Variants in NEGR1 observed in about 807,000 individuals in gnomAD.
The protein encoded by NEGR1 is neuronal growth regulator 1.
Under a neutral mutation model 40.9 loss-of-function variants are expected in NEGR1, and 10 were observed. That is an observed-to-expected ratio of 0.24 (90% CI 0.15 to 0.42). NEGR1 has a LOEUF of 0.42. Among genes scored for constraint, NEGR1 ranks in the 10% least tolerant of loss-of-function variants. The pLI, the probability that NEGR1 is intolerant of heterozygous loss-of-function variation, is 1.00. For synonymous variants in NEGR1, 185 were observed against 166.8 expected (o/e 1.11, Z -0.84); for missense variants, 352 against 438.9 (o/e 0.80, Z 1.77).
At chr1:72,275,040 G>T in intron 1 of NEGR1, 1 of 1,511,718 alleles carries the variant, frequency 6.6e-7, no homozygotes, top group South Asian at 1.1e-5. Context: ...CAGCTTTGGA[G>T]CTCTTGGAAC....
intron 1 of NEGR1, among the ~76,000 whole-genome samples, chr1:72,061,774 C>A (rs960429397): frequency 6.6e-6 from 1 of 151,836 alleles, no homozygotes; most frequent in African/African-American, 2.4e-5. Context: ...CTTGCCTCAT[C>A]ATGATTCTTT....
intron 6 of NEGR1, among the ~76,000 whole-genome samples, chr1:71,450,641 T>C (rs1646620334): frequency 6.6e-6 from 1 of 151,550 alleles, no homozygotes; most frequent in South Asian, 2.1e-4. Flanking sequence ...ATCCTGTCAC[T>C]ACTAGAAATA....
chr1:71,715,737 T>A (rs1160396868), intron 3 of NEGR1, among the ~76,000 whole-genome samples: 1 of 152,216 alleles, frequency 6.6e-6, no homozygotes, highest in African/African-American at 2.4e-5. Flanking sequence ...AGGTTCCTCA[T>A]CTATATCTGA....
chr1:72,208,274 A>G (rs1160421880), intron 1 of NEGR1, among the ~76,000 whole-genome samples: 2 of 151,796 alleles, frequency 1.3e-5, no homozygotes, highest in African/African-American at 4.8e-5. Context: ...CAGTTTATGC[A>G]ATTTAAATGC....
chr1:71,723,185 C>A (rs1012298435), intron 3 of NEGR1, among the ~76,000 whole-genome samples: 10 of 151,936 alleles, frequency 6.6e-5, no homozygotes, highest in Non-Finnish European at 1.3e-4. Context: ...CTTTATTGGG[C>A]TTAGAATTCA....
chr1:72,137,786 T>C (rs536666148), intron 1 of NEGR1, among the ~76,000 whole-genome samples: 1 of 152,166 alleles, frequency 6.6e-6, no homozygotes. Flanking sequence ...AAACTAGTGA[T>C]AGAGAAACTT....
chr1:71,832,309 G>A (rs545605028), intron 2 of NEGR1, among the ~76,000 whole-genome samples: 19 of 152,016 alleles, frequency 1.2e-4, no homozygotes, highest in Non-Finnish European at 1.2e-4. Flanking sequence ...GACACCACTT[G>A]TGCCATATGT....
chr1:71,973,039 T>C (rs1646271111), intron 1 of NEGR1, among the ~76,000 whole-genome samples: 1 of 152,130 alleles, frequency 6.6e-6, no homozygotes, highest in African/African-American at 2.4e-5. Context: ...AAAATATAAA[T>C]TAGATCATTT....
intron 2 of NEGR1, among the ~76,000 whole-genome samples, chr1:71,882,853 T>A (rs961028823): frequency 3.9e-5 from 6 of 152,092 alleles, no homozygotes; most frequent in Admixed American, 3.9e-4. Context: ...TTATGAGTAA[T>A]TTCCTTTGCC....
intron 4 of NEGR1, among the ~76,000 whole-genome samples, chr1:71,679,347 C>T (rs1652752106): frequency 6.6e-6 from 1 of 152,112 alleles, no homozygotes; most frequent in Admixed American, 6.6e-5. Context: ...ATTTTTACTA[C>T]ATTTATAATG....
intron 1 of NEGR1, among the ~76,000 whole-genome samples, chr1:71,965,663 G>A (rs1049325986): frequency 1.3e-5 from 2 of 152,032 alleles, no homozygotes; most frequent in Admixed American, 6.6e-5. Flanking sequence ...TCTTATTGTA[G>A]GTTAGAATGT....
intron 1 of NEGR1, among the ~76,000 whole-genome samples, chr1:71,943,251 T>C (rs998720696): frequency 6.9e-6 from 1 of 145,866 alleles, no homozygotes; most frequent in Non-Finnish European, 1.5e-5. Flanking sequence ...TACACACACA[T>C]ACATACACAT....
chr1:71,832,414 A>C (rs1457695772), intron 2 of NEGR1, among the ~76,000 whole-genome samples: 1 of 151,976 alleles, frequency 6.6e-6, no homozygotes, highest in African/African-American at 2.4e-5. Flanking sequence ...GAACTCTTAC[A>C]AAAAGAAGCC....
At chr1:71,453,118 G>A (rs1430464154) in intron 6 of NEGR1, among the ~76,000 whole-genome samples, 1 of 152,122 alleles carries the variant, frequency 6.6e-6, no homozygotes, top group Non-Finnish European at 1.5e-5. Context: ...CTTTTTGAAA[G>A]TACAGAAATG....
chr1:71,958,625 A>G (rs1019858317), intron 1 of NEGR1, among the ~76,000 whole-genome samples: 2 of 152,078 alleles, frequency 1.3e-5, no homozygotes, highest in African/African-American at 4.8e-5. Context: ...TGCAGTTTTT[A>G]CTCTACAGCT....
At chr1:71,657,061 C>T (rs1027830823) in intron 4 of NEGR1, among the ~76,000 whole-genome samples, 5 of 152,138 alleles carry the variant, frequency 3.3e-5, no homozygotes, top group Admixed American at 2.6e-4. Flanking sequence ...GAGCAAGGAA[C>T]CCCATGGACC....
chr1:71,957,529 A>C (rs919816244), intron 1 of NEGR1, among the ~76,000 whole-genome samples: 15 of 152,176 alleles, frequency 9.9e-5, no homozygotes, highest in African/African-American at 3.4e-4. Flanking sequence ...TTGAAAATGT[A>C]TAGGAGGAAA....
chr1:71,554,592 A>G (rs1449897009), intron 6 of NEGR1, among the ~76,000 whole-genome samples: 1 of 151,490 alleles, frequency 6.6e-6, no homozygotes, highest in Non-Finnish European at 1.5e-5. Context: ...TTTTGCCCTC[A>G]AACTCCAAAA....
At chr1:71,813,323 T>A (rs1481764171) in intron 2 of NEGR1, among the ~76,000 whole-genome samples, 2 of 152,200 alleles carry the variant, frequency 1.3e-5, no homozygotes, top group South Asian at 4.1e-4. Flanking sequence ...CACGCTGTTT[T>A]GGTTGCTGTA....
Sources: gnomAD v4.1 joint callset for allele counts (sites outside exome capture counted in the v4.1 genomes callset) on GRCh38, gnomAD v4.1.1 for gene constraint, MANE v1.5 for transcripts, NCBI Gene and HGNC (gene_info 2026-07-23, HGNC 2026-07-21) for gene names.